FAM151B: variants seen among roughly 807,000 people sequenced by gnomAD.
FAM151B encodes the protein family with sequence similarity 151 member B.
In FAM151B, 24 loss-of-function variants were observed where a neutral mutation model predicts 31.2. That is an observed-to-expected ratio of 0.77 (90% CI 0.56 to 1.08). The LOEUF (loss-of-function observed/expected upper bound fraction) is 1.08, where lower values mean the gene tolerates loss of function less well. Among genes scored for constraint, FAM151B ranks in the 50% least tolerant of loss-of-function variants. The pLI is 0.00. For synonymous variants in FAM151B, 105 were observed against 111.4 expected, an observed-to-expected ratio of 0.94 and a Z score of 0.36; for missense variants, 293 against 328.6, an observed-to-expected ratio of 0.89 and a Z score of 0.84.
At chr5:80,494,472 C>CTTTCTTTCT (rs1743447272) in intron 1 of FAM151B, among the ~76,000 whole-genome samples, 1 of 87,594 alleles carries the variant, frequency 1.1e-5, no homozygotes, top group East Asian at 3.3e-4. Context: ...TTCTTTCTTT[C>CTTTCTTTCT]TTTCTTTCTT....
At chr5:80,501,300 G>A (rs1743734488) in intron 1 of FAM151B, 11 of 740,834 alleles carry the variant, frequency 1.5e-5, no homozygotes, top group Non-Finnish European at 1.8e-5. Context: ...GATTACAGGC[G>A]TGAGCCACCG....
chr5:80,524,521 A>C (rs909703772), intron 5 of FAM151B, among the ~76,000 whole-genome samples: 3 of 152,102 alleles, frequency 2.0e-5, no homozygotes, highest in African/African-American at 7.2e-5. Flanking sequence ...AATCATATTC[A>C]TCCTCCAAAG....
At chr5:80,500,611 G>A in intron 1 of FAM151B, 1 of 759,910 alleles carries the variant, frequency 1.3e-6, no homozygotes, top group Non-Finnish European at 2.4e-6. Flanking sequence ...TTGTCCTCAG[G>A]ATCAGAGGTG....
Position 80,541,947 on chromosome 5 carries a change from C to A in FAM151B, c.*115C>A. ...TGATTGACGTTCCAAGTCATCTAATCAAGAAACGTTTATTGTATGCTTACT... is the reference window on the plus strand; with the variant it reads ...TGATTGACGTTCCAAGTCATCTAATAAAGAAACGTTTATTGTATGCTTACT... On this transcript the variant is annotated 3_prime_UTR_variant, in exon 6 of 6. Transcript: ENST00000282226. 1 of 1,121,332 alleles carries A rather than the reference C, an allele frequency of 8.9e-7. No homozygotes were observed. The highest frequency in any genetic ancestry group is 1.3e-6 in the Non-Finnish European group (1 of 798,080). 69.5% of individuals were successfully genotyped at this position (1,121,332 alleles called of 1,614,324 possible). A position where few individuals can be genotyped will look rare whatever the true frequency, so the allele number is the denominator to read the frequency against.
intron 2 of FAM151B, among the ~76,000 whole-genome samples, chr5:80,502,647 A>G (rs1743788555): frequency 6.6e-6 from 1 of 152,206 alleles, no homozygotes; most frequent in Non-Finnish European, 1.5e-5. Flanking sequence ...GCAGCAGGAA[A>G]GGAGAAAGAA....
intron 5 of FAM151B, among the ~76,000 whole-genome samples, chr5:80,538,424 CTTTCTTTCTTTCTTTCTTTCTT>C (rs1561383278): frequency 6.2e-4 from 34 of 54,496 alleles, no homozygotes; most frequent in South Asian, 5.6e-3. Context: ...TTCTTTCTTT[CTTTCTTTCTTTCTTTCTTTCTT>C]TCTCTTTCTT....
At chr5:80,527,085 A>G (rs1055936775) in intron 5 of FAM151B, among the ~76,000 whole-genome samples, 4 of 152,206 alleles carry the variant, frequency 2.6e-5, no homozygotes, top group African/African-American at 7.2e-5. Context: ...CTGCAGAAGT[A>G]CAGTCATGTA....
intron 1 of FAM151B, among the ~76,000 whole-genome samples, chr5:80,490,069 G>A (rs1743267397): frequency 9.2e-6 from 1 of 108,490 alleles, no homozygotes; most frequent in Non-Finnish European, 2.0e-5. Context: ...ACATAAAAAA[G>A]TTCAAAAGGC....
intron 5 of FAM151B, among the ~76,000 whole-genome samples, chr5:80,541,272 T>G (rs1745875261): frequency 6.6e-6 from 1 of 152,232 alleles, no homozygotes; most frequent in Non-Finnish European, 1.5e-5. Flanking sequence ...CATTTGTGTC[T>G]CTTCACAATC....
intron 2 of FAM151B, among the ~76,000 whole-genome samples, chr5:80,509,505 G>T (rs1227417802): frequency 2.6e-5 from 4 of 152,108 alleles, no homozygotes; most frequent in Non-Finnish European, 5.9e-5. Flanking sequence ...ATAAATGTCT[G>T]TTTATTATAA....
In FAM151B at chr5:80,522,333, C is replaced by A. The variant is rs563663222; in HGVS notation, c.671+195C>A. The A allele has an allele frequency of 1.2e-4, 56 of 476,882 alleles. No individual in the cohort carries two copies. The South Asian group carries it at 3.8e-3, about 32-fold the overall frequency. 29.5% of individuals were successfully genotyped at this position (476,882 alleles called of 1,614,324 possible). On this transcript the variant is annotated intron_variant, in intron 5 of 5. Transcript: ENST00000282226. ...TGATGAACCTTAACTTACTTAACAT[C>A]GTATATTTTACCCCTATTCCTCACA...
At chr5:80,514,825 G>C (rs1198168810) in intron 3 of FAM151B, among the ~76,000 whole-genome samples, 1 of 151,956 alleles carries the variant, frequency 6.6e-6, no homozygotes, top group Non-Finnish European at 1.5e-5. Flanking sequence ...TTTGTTATGG[G>C]GCAAAATATA....
chr5:80,513,465 G>T (rs1030855828), intron 2 of FAM151B, 139 bp from the exon 3 acceptor site: 2 of 741,900 alleles, frequency 2.7e-6, no homozygotes, highest in African/African-American at 3.5e-5. Context: ...TATACTGCCT[G>T]GCATGGGATA....
intron 1 of FAM151B, among the ~76,000 whole-genome samples, chr5:80,496,039 G>A (rs776973534): frequency 5.9e-5 from 9 of 152,178 alleles, no homozygotes; most frequent in Non-Finnish European, 1.3e-4. Context: ...AATGACCACA[G>A]ATGATAAAGA....
intron 2 of FAM151B, among the ~76,000 whole-genome samples, chr5:80,509,602 GTC>G (rs1744108482): frequency 6.6e-6 from 1 of 152,166 alleles, no homozygotes; most frequent in South Asian, 2.1e-4. Flanking sequence ...GCCCGAGACT[GTC>G]TCTTACTTTG....
At chr5:80,500,091 A>AT (rs1445077701) in intron 1 of FAM151B, 9 of 250,546 alleles carry the variant, frequency 3.6e-5, no homozygotes, top group Non-Finnish European at 4.6e-5. Context: ...AGAACTTACC[A>AT]TTTTCCACAT....
At position 80,490,019 on chromosome 5, in the gene FAM151B, T is replaced by TAAACACAC. The variant is rs1554055218; in HGVS notation, c.25+1872_25+1873insAACACACA. On this transcript the variant is annotated intron_variant, in intron 1 of 5. Transcript: ENST00000282226. ...TCCGTTATATGTCATTTTTCCCCCT[T>TAAACACAC]ACACACACACACACACACACACACA... Among the ~76,000 whole-genome samples the TAAACACAC allele has an allele frequency of 1.9e-3, 282 of 144,698 alleles. 1 individual carries two copies. The highest frequency in any genetic ancestry group is 7.1e-3 in the African/African-American group (275 of 38,940). 94.9% of individuals were successfully genotyped at this position (144,698 alleles called of 152,430 possible).
intron 2 of FAM151B, among the ~76,000 whole-genome samples, chr5:80,502,263 G>T (rs185892198): frequency 2.4e-3 from 358 of 152,060 alleles, no homozygotes; most frequent in African/African-American, 8.1e-3. Flanking sequence ...CATAATGAAA[G>T]AATTTTCTTA....
chr5:80,520,218 A>G lies in FAM151B; in HGVS notation c.535+308A>G, dbSNP rs369801721. On this transcript the variant is annotated intron_variant, in intron 4 of 5. Transcript: ENST00000282226. ...TCCAGATTTTAAAGGAAAGTGGAAC[A>G]CGTCCCTTCTTTTTATCAGGAAATT... Among the ~76,000 whole-genome samples the G allele has an allele frequency of 4.6e-5, 7 of 152,218 alleles. No individual in the cohort carries two copies. The East Asian group carries it at 1.2e-3, about 25-fold the overall frequency.
Sources: allele counts gnomAD v4.1 joint callset (sites outside exome capture counted in the v4.1 genomes callset), GRCh38; gene constraint gnomAD v4.1.1; transcripts MANE v1.5; gene names NCBI Gene and HGNC (gene_info 2026-07-23, HGNC 2026-07-21).